Variants in C16orf96 observed in about 807,000 individuals in gnomAD.
C16orf96 encodes the protein uncharacterized protein C16orf96.
Under a neutral mutation model 103.6 loss-of-function variants are expected in C16orf96, and 108 were observed. The ratio of observed to expected loss-of-function variants is 1.04; its 90% CI spans 0.89 to 1.22. The LOEUF (loss-of-function observed/expected upper bound fraction) is 1.22, where lower values mean the gene tolerates loss of function less well. C16orf96 is among the 50% of genes most tolerant of loss of function. C16orf96 has a pLI of 0.00. For synonymous variants in C16orf96, 566 were observed against 593.5 expected (o/e 0.95, Z 0.67); for missense variants, 1,586 against 1,464.2 (o/e 1.08, Z -1.36).
At chr16:4,582,260 C>T (rs903037419) in intron 7 of C16orf96, among the ~76,000 whole-genome samples, 12 of 151,754 alleles carry the variant, frequency 7.9e-5, no homozygotes, top group Non-Finnish European at 1.5e-4. Context: ...CCAGCCTGGG[C>T]GACAAGAGCA....
the C16orf96 span, among the ~76,000 whole-genome samples, chr16:4,539,859 G>C: frequency 6.6e-6 from 1 of 152,038 alleles, no homozygotes; most frequent in African/African-American, 2.4e-5. Context: ...AGGCCACCTA[G>C]AGCTGTAATC....
intron 7 of C16orf96, among the ~76,000 whole-genome samples, chr16:4,583,749 C>A (rs569965049): frequency 6.6e-6 from 1 of 151,392 alleles, no homozygotes; most frequent in Non-Finnish European, 1.5e-5. Flanking sequence ...ATGGTGAAAC[C>A]GTGTCTCTAC....
rs1468843204 is a variant in C16orf96 at position 4,600,195 on chromosome 16, C to A, written c.3304C>A (p.Pro1102Thr). The stretch of plus-strand genomic sequence containing the variant: ...TTCCCTGCCACCTCTGCTGCTGCTG[C>A]CACCGCTGATTCCATCCCTAAGGGA... ...PPSLPPLLLL[P>T]PLIPSLRDPQ... is the part of the protein sequence containing the mutation. Residue 1102 changes from proline to threonine, a missense_variant, in exon 16 of 16, where the codon CCA becomes ACA. Pro to Thr is a conservative substitution (Grantham distance 38). Coordinates refer to ENST00000444310, the MANE Select transcript of C16orf96 (RefSeq NM_001145011.2). The A allele has an allele frequency of 1.3e-6, 2 of 1,551,624 alleles. No individual in the cohort carries two copies.
intron 2 of C16orf96, among the ~76,000 whole-genome samples, chr16:4,573,897 G>C (rs910485829): frequency 2.0e-4 from 30 of 148,848 alleles, no homozygotes; most frequent in East Asian, 1.4e-3. Flanking sequence ...GCAGTGGCAC[G>C]ATCTCAGCTC....
chr16:4,588,074 C>T, intron 8 of C16orf96, 93 bp from the exon 9 acceptor site: 2 of 1,318,536 alleles, frequency 1.5e-6, no homozygotes, highest in Non-Finnish European at 2.0e-6. Context: ...GAGTCCCAAA[C>T]TAGAAGCATC....
At chr16:4,580,211 A>C (rs1294832774) in intron 7 of C16orf96, 86 bp downstream of exon 7, 1 of 1,067,510 alleles carries the variant, frequency 9.4e-7, no homozygotes, top group Non-Finnish European at 1.3e-6. Flanking sequence ...AAGGTTCTGC[A>C]TGAGGTGGGG....
chr16:4,544,221 G>C, the C16orf96 span, among the ~76,000 whole-genome samples: 1 of 152,298 alleles, frequency 6.6e-6, no homozygotes, highest in South Asian at 2.1e-4. Flanking sequence ...GAGTAGCGGA[G>C]GGTTTGAGAG....
Position 4,575,586 on chromosome 16 carries a change from T to C in C16orf96, c.1106T>C (p.Val369Ala). ...TPGSLPAPWP[V>A]LGPVPAPGAQ... ...GGGTCCTTGCCAGCACCTTGGCCTGTGCTTGGACCTGTGCCTGCCCCAGGT... is the reference window on the plus strand; with the variant it reads ...GGGTCCTTGCCAGCACCTTGGCCTGCGCTTGGACCTGTGCCTGCCCCAGGT... Residue 369 changes from valine to alanine, a missense_variant, in exon 5 of 16, where the codon GTG becomes GCG. Val to Ala is a moderately conservative substitution (Grantham distance 64, BLOSUM62 0). Transcript: ENST00000444310. 1.3e-6 allele frequency: 2 copies of C among 1,517,706 alleles called. No individual in the cohort carries two copies. Among genetic ancestry groups the C allele is most frequent in the East Asian group, 4.9e-5 (2 of 40,626 alleles). The allele number at this position is 1,517,706 out of a possible 1,614,324, so 94.0% of individuals were successfully genotyped here. A position where few individuals can be genotyped will look rare whatever the true frequency, so the allele number is the denominator to read the frequency against.
intron 1 of C16orf96, among the ~76,000 whole-genome samples, chr16:4,565,419 T>A (rs1172623802): frequency 1.3e-5 from 2 of 152,102 alleles, no homozygotes; most frequent in Non-Finnish European, 2.9e-5. Context: ...AGCAGGTGGG[T>A]CTTGGGTGAG....
chr16:4,594,914 G>A, intron 14 of C16orf96, 111 bp downstream of exon 14: 1 of 1,163,544 alleles, frequency 8.6e-7, no homozygotes, highest in Non-Finnish European at 1.2e-6. Flanking sequence ...TGACCGGGGA[G>A]TCCTCACACA....
the C16orf96 span, among the ~76,000 whole-genome samples, chr16:4,550,134 G>A: frequency 2.0e-3 from 305 of 150,682 alleles, 1 homozygote; most frequent in African/African-American, 7.1e-3. Context: ...GCCCCCGCTG[G>A]AGTGCAATGG....
intron 10 of C16orf96, 121 bp from the exon 11 acceptor site, chr16:4,592,184 G>A (rs1241588253): frequency 9.9e-6 from 12 of 1,208,904 alleles, no homozygotes; most frequent in Middle Eastern, 2.2e-4. Context: ...AGGGCCTGTG[G>A]GGCTGAGCTG....
intron 8 of C16orf96, among the ~76,000 whole-genome samples, chr16:4,587,456 A>G (rs950197686): frequency 1.3e-5 from 2 of 149,276 alleles, no homozygotes; most frequent in African/African-American, 4.9e-5. Flanking sequence ...TGAACCTGGG[A>G]GGCAGAGGTT....
the C16orf96 span, among the ~76,000 whole-genome samples, chr16:4,544,346 A>G: frequency 6.6e-6 from 1 of 152,120 alleles, no homozygotes; most frequent in Non-Finnish European, 1.5e-5. Flanking sequence ...TGGCTCACTC[A>G]TGTAATCCAA....
At chr16:4,579,402 A>G (rs2059554716) in intron 6 of C16orf96, among the ~76,000 whole-genome samples, 3 of 151,876 alleles carry the variant, frequency 2.0e-5, no homozygotes, top group Admixed American at 2.0e-4. Flanking sequence ...AAAAATACAA[A>G]AATTATCCAG....
At chr16:4,551,862 T>G (rs528597455), upstream of C16orf96, among the ~76,000 whole-genome samples, 1 of 152,306 alleles carries the variant, frequency 6.6e-6, no homozygotes, top group South Asian at 2.1e-4. Context: ...CATCTAGGTT[T>G]TAAGCCCTGC....
the C16orf96 span, among the ~76,000 whole-genome samples, chr16:4,542,614 T>G: frequency 6.6e-6 from 1 of 151,820 alleles, no homozygotes; most frequent in Admixed American, 6.6e-5. Context: ...CTGGCCAATA[T>G]AGTGAAACCC....
intron 1 of C16orf96, chr16:4,562,664 C>G (rs1477014445): frequency 2.7e-6 from 1 of 367,114 alleles, no homozygotes; most frequent in Non-Finnish European, 5.0e-6. Flanking sequence ...TTTAATAATG[C>G]ACATATAAAA....
chr16:4,542,032 C>G, the C16orf96 span, among the ~76,000 whole-genome samples: 1 of 152,100 alleles, frequency 6.6e-6, no homozygotes, highest in Non-Finnish European at 1.5e-5. Flanking sequence ...ATGGTTTAGA[C>G]CAAGAGAGGC....
Sources: allele counts gnomAD v4.1 joint callset (sites outside exome capture counted in the v4.1 genomes callset), GRCh38; gene constraint gnomAD v4.1.1; transcripts MANE v1.5; gene names NCBI Gene and HGNC (gene_info 2026-07-23, HGNC 2026-07-21).